PLAC8: variants seen among roughly 807,000 people sequenced by gnomAD.
PLAC8 encodes the protein placenta-specific gene 8 protein.
PLAC8 carries 6 observed loss-of-function variants against 12.6 expected under a neutral mutation model. The ratio of observed to expected loss-of-function variants is 0.48; its 90% CI spans 0.26 to 0.94. The LOEUF (loss-of-function observed/expected upper bound fraction) is 0.94. PLAC8 is among the 40% of genes least tolerant of loss of function. The pLI, the probability that PLAC8 is intolerant of heterozygous loss-of-function variation, is 0.14. For synonymous variants in PLAC8, 54 were observed against 52.6 expected (o/e 1.03, Z -0.11); for missense variants, 122 against 152.7 (o/e 0.80, Z 1.06).
intron 2 of PLAC8, among the ~76,000 whole-genome samples, chr4:83,106,383 C>T (rs370160537): frequency 1.4e-4 from 21 of 151,962 alleles, no homozygotes; most frequent in Admixed American, 7.9e-4. Flanking sequence ...TTTGGAAGGC[C>T]GAGGTGGGCA....
intron 3 of PLAC8, among the ~76,000 whole-genome samples, chr4:83,095,227 C>T (rs536590870): frequency 6.6e-6 from 1 of 152,062 alleles, no homozygotes; most frequent in South Asian, 2.1e-4. Flanking sequence ...AAGGCAGATC[C>T]CAGGATGAGA....
intron 4 of PLAC8, chr4:83,092,810 CTTTTTTTTTTTTTT>C (rs70946966): frequency 1.2e-5 from 1 of 84,886 alleles, no homozygotes; most frequent in African/African-American, 5.1e-5. Context: ...TTTTCTTTTC[CTTTTTTTTTTTTTT>C]TTTTTTTTTG....
At chr4:83,109,344 T>A (rs199862518) in intron 1 of PLAC8, among the ~76,000 whole-genome samples, 176 of 152,348 alleles carry the variant, frequency 1.2e-3, no homozygotes, top group East Asian at 4.6e-3. Context: ...TTGATTTTTT[T>A]AAAAATGTAC....
At chr4:83,112,495 G>A (rs1222531554) in intron 1 of PLAC8, among the ~76,000 whole-genome samples, 1 of 152,106 alleles carries the variant, frequency 6.6e-6, no homozygotes, top group Non-Finnish European at 1.5e-5. Context: ...GCTATTGTAA[G>A]TTCCTTTCTA....
chr4:83,106,689 A>C (rs976640163), intron 2 of PLAC8, among the ~76,000 whole-genome samples: 1 of 152,170 alleles, frequency 6.6e-6, no homozygotes, highest in Non-Finnish European at 1.5e-5. Flanking sequence ...TTAAAGGATA[A>C]TGTATTTTAT....
chr4:83,105,484 G>C (rs1228041095), intron 2 of PLAC8, among the ~76,000 whole-genome samples: 1 of 152,220 alleles, frequency 6.6e-6, no homozygotes, highest in African/African-American at 2.4e-5. Context: ...ATGTTTTAAA[G>C]GTGGACAAAA....
chr4:83,091,384 G>A (rs768217345), intron 4 of PLAC8, among the ~76,000 whole-genome samples: 12 of 152,234 alleles, frequency 7.9e-5, no homozygotes, highest in Non-Finnish European at 1.2e-4. Context: ...CAGGTATTTT[G>A]TGGAATGTGC....
intron 3 of PLAC8, among the ~76,000 whole-genome samples, chr4:83,096,074 T>C (rs536932190): frequency 6.6e-6 from 1 of 152,188 alleles, no homozygotes; most frequent in Non-Finnish European, 1.5e-5. Flanking sequence ...CTAATGTTAG[T>C]CCTCCAAAGG....
chr4:83,107,768 G>A, intron 2 of PLAC8, 36 bp downstream of exon 2: 2 of 1,283,176 alleles, frequency 1.6e-6, no homozygotes, highest in South Asian at 1.2e-5. Context: ...ATTCACCTCG[G>A]TATCAAATAA....
At position 83,107,958 on chromosome 4, in the gene PLAC8, G is replaced by C. The variant is rs1208578467; in HGVS notation, c.-29-8C>G. The C allele has an allele frequency of 1.2e-6, 1 of 802,462 alleles. No individual in the cohort carries two copies. Among genetic ancestry groups the C allele is most frequent in the Non-Finnish European group, 1.7e-6 (1 of 572,966 alleles). The allele number at this position is 802,462 out of a possible 1,614,324, so 49.7% of individuals were successfully genotyped here. On this transcript the variant is annotated splice_polypyrimidine_tract_variant and splice_region_variant and intron_variant, in intron 1 of 4. Transcript: ENST00000311507. ...GGCCTTAAAAGCAGTGGACTGAAAA[G>C]GCAGAGTGGTGTTAGAAATCTCTGT...
chr4:83,095,390 A>C (rs552933160), intron 3 of PLAC8, among the ~76,000 whole-genome samples: 1 of 152,376 alleles, frequency 6.6e-6, no homozygotes, highest in African/African-American at 2.4e-5. Flanking sequence ...TAAAGGACTC[A>C]TAAGTAAATA....
chr4:83,108,282 G>C (rs1367695750), intron 1 of PLAC8, among the ~76,000 whole-genome samples: 2 of 152,122 alleles, frequency 1.3e-5, no homozygotes, highest in Non-Finnish European at 2.9e-5. Flanking sequence ...AGAGACCCTG[G>C]GGGTGAGGGG....
intron 1 of PLAC8, among the ~76,000 whole-genome samples, chr4:83,111,362 A>C (rs974280749): frequency 1.3e-5 from 2 of 152,124 alleles, no homozygotes; most frequent in Non-Finnish European, 2.9e-5. Context: ...TGACTAGAAA[A>C]AAAATTTTAA....
intron 1 of PLAC8, among the ~76,000 whole-genome samples, chr4:83,109,108 CTTAG>C (rs1236554132): frequency 6.6e-6 from 1 of 152,128 alleles, no homozygotes; most frequent in Non-Finnish European, 1.5e-5. Flanking sequence ...TTGCCCAAGT[CTTAG>C]TTTCTGAAAC....
At chr4:83,095,584 G>C (rs1219832767) in intron 3 of PLAC8, among the ~76,000 whole-genome samples, 1 of 152,134 alleles carries the variant, frequency 6.6e-6, no homozygotes, top group Non-Finnish European at 1.5e-5. Flanking sequence ...AAAGGGGTAG[G>C]GGGAGAGGGC....
At chr4:83,104,261 G>T (rs1732183807) in intron 3 of PLAC8, among the ~76,000 whole-genome samples, 1 of 152,064 alleles carries the variant, frequency 6.6e-6, no homozygotes, top group Non-Finnish European at 1.5e-5. Context: ...CATGTGACTT[G>T]CTTTATTGCA....
chr4:83,106,962 G>A (rs755621356), intron 2 of PLAC8, among the ~76,000 whole-genome samples: 12 of 152,162 alleles, frequency 7.9e-5, no homozygotes, highest in Admixed American at 2.6e-4. Flanking sequence ...TACTTTGGGA[G>A]GCTCAGGCAG....
intron 1 of PLAC8, among the ~76,000 whole-genome samples, chr4:83,113,099 G>C (rs1578748182): frequency 6.6e-6 from 1 of 152,236 alleles, no homozygotes; most frequent in East Asian, 1.9e-4. Context: ...ACTGTTCAGA[G>C]ATTGTGGTTT....
intron 3 of PLAC8, 40 bp downstream of exon 3, chr4:83,104,856 G>T (rs745844048): frequency 2.8e-5 from 44 of 1,599,350 alleles, no homozygotes; most frequent in Non-Finnish European, 3.7e-5. Flanking sequence ...ATTTTGAATG[G>T]GGTGCATATT....
Sources: allele counts gnomAD v4.1 joint callset (sites outside exome capture counted in the v4.1 genomes callset), GRCh38; gene constraint gnomAD v4.1.1; transcripts MANE v1.5; gene names NCBI Gene and HGNC (gene_info 2026-07-23, HGNC 2026-07-21).